The following RAB30 variants were observed in gnomAD, a reference collection of about 807,000 sequenced individuals.
RAB30 encodes the protein RAB30, member RAS oncogene family, also known as ras-related protein Rab-30.
In RAB30, 9 loss-of-function variants were observed where a neutral mutation model predicts 25.1. The observed-to-expected ratio is 0.36, with a 90% CI of 0.22 to 0.63. The LOEUF is 0.63. RAB30 is among the 20% of genes least tolerant of loss of function. The pLI is 0.69. For missense variants in RAB30, 140 were observed against 243.5 expected, an observed-to-expected ratio of 0.58 and a Z score of 2.83; for synonymous variants, 77 against 86.4, an observed-to-expected ratio of 0.89 and a Z score of 0.60.
intron 3 of RAB30, among the ~76,000 whole-genome samples, chr11:82,989,206 G>A (rs956277198): frequency 1.3e-5 from 2 of 152,136 alleles, no homozygotes; most frequent in Non-Finnish European, 2.9e-5. Context: ...CTAGGACATG[G>A]CATCCAGGCC....
intron 1 of RAB30, among the ~76,000 whole-genome samples, chr11:83,022,939 T>C (rs1399216667): frequency 2.0e-5 from 3 of 151,202 alleles, no homozygotes; most frequent in African/African-American, 2.4e-5. Context: ...TTTCAAATGG[T>C]CCAGCATATA....
intron 3 of RAB30, among the ~76,000 whole-genome samples, chr11:82,989,295 A>G (rs1856801945): frequency 6.6e-6 from 1 of 152,214 alleles, no homozygotes; most frequent in Non-Finnish European, 1.5e-5. Context: ...GTGCATCTGT[A>G]TCCAAAGAGG....
intron 1 of RAB30, chr11:83,038,666 CAA>C (rs36025740): frequency 6.6e-6 from 1 of 151,898 alleles, no homozygotes; most frequent in African/African-American, 2.4e-5. Context: ...ACTAAAAATA[CAA>C]AAATTAGCCA....
chr11:83,044,272 T>A (rs1441380339), intron 1 of RAB30, among the ~76,000 whole-genome samples: 1 of 152,258 alleles, frequency 6.6e-6, no homozygotes, highest in Non-Finnish European at 1.5e-5. Context: ...AATCTGTTTA[T>A]TCACAACCTA....
At position 83,022,544 on chromosome 11, in the gene RAB30, G is replaced by A. The variant is rs573644551; in HGVS notation, c.-8-25220C>T. Among the ~76,000 whole-genome samples, 14 of 152,168 alleles carry A rather than the reference G, an allele frequency of 9.2e-5. No individual in the cohort carries two copies. The South Asian group carries it at 2.9e-3, about 32-fold the overall frequency. On this transcript the variant is annotated intron_variant, in intron 1 of 4. Coordinates refer to ENST00000527633, the MANE Select transcript of RAB30 (RefSeq NM_001286060.2). Reference sequence around the variant, plus strand: ...GTCTGTTCCATTAACTTCCAATAATGGAGAAAGGTCTTCCAATTTTTACTT... The same window carrying A: ...GTCTGTTCCATTAACTTCCAATAATAGAGAAAGGTCTTCCAATTTTTACTT...
chr11:83,027,996 C>T (rs1485392920), intron 1 of RAB30, among the ~76,000 whole-genome samples: 1 of 152,006 alleles, frequency 6.6e-6, no homozygotes, highest in Non-Finnish European at 1.5e-5. Flanking sequence ...GCAACACAGC[C>T]AAGGATCACA....
intron 1 of RAB30, among the ~76,000 whole-genome samples, chr11:83,023,457 T>C (rs1282547982): frequency 1.3e-5 from 2 of 152,150 alleles, no homozygotes; most frequent in African/African-American, 4.8e-5. Flanking sequence ...TCTGCTCCTG[T>C]CTTGCTGATT....
chr11:83,062,997 C>T (rs1203278745), intron 1 of RAB30, among the ~76,000 whole-genome samples: 26 of 122,168 alleles, frequency 2.1e-4, no homozygotes, highest in African/African-American at 8.1e-4. Flanking sequence ...AGTGGGACTC[C>T]GTCTCAAAAA....
intron 4 of RAB30, among the ~76,000 whole-genome samples, chr11:82,984,858 A>G (rs1856709956): frequency 6.6e-6 from 1 of 152,202 alleles, no homozygotes. Flanking sequence ...ATTATCCAAC[A>G]TTCCTGGGGT....
At chr11:82,984,513 T>C (rs1195394913) in intron 4 of RAB30, among the ~76,000 whole-genome samples, 2 of 152,222 alleles carry the variant, frequency 1.3e-5, no homozygotes, top group African/African-American at 4.8e-5. Context: ...TGTCAAGCTG[T>C]ATTTCCTGTC....
intron 1 of RAB30, among the ~76,000 whole-genome samples, chr11:83,014,634 AAAAGAAAG>A (rs58927757): frequency 0.16 from 17,651 of 112,504 alleles, 1,479 homozygotes; most frequent in Non-Finnish European, 0.17. Context: ...AGAAGTAAGA[AAAAGAAAG>A]AAAGAAAGAA....
Position 82,997,238 on chromosome 11 carries a change from G to A in RAB30, c.79C>T (p.Arg27Ter). ...NAGVGKTCLV[R>*]RFTQGLFPPG... ...AGTTCCCTTACCTGAGTGAATCTTC[G>A]GACGAGGCACGTCTTCCCCACACCA... is the stretch of plus-strand genomic sequence containing the variant. The change falls in exon 2 of 5, where the codon CGA (arginine) becomes TGA (stop). Residue 27 changes from arginine (R) to a stop codon, truncating the protein, a stop_gained. Coordinates refer to ENST00000527633, the MANE Select transcript of RAB30 (RefSeq NM_001286060.2). LOFTEE classifies it high-confidence loss of function. 1.2e-6 allele frequency: 2 copies of A among 1,610,512 alleles called. No individual in the cohort carries two copies. The highest frequency in any genetic ancestry group is 1.7e-6 in the Non-Finnish European group (2 of 1,176,760).
intron 1 of RAB30, among the ~76,000 whole-genome samples, chr11:83,019,210 G>C (rs963353404): frequency 3.3e-5 from 5 of 152,136 alleles, no homozygotes; most frequent in Non-Finnish European, 5.9e-5. Flanking sequence ...ATTTTTAGTA[G>C]AGATGGGGGT....
intron 1 of RAB30, among the ~76,000 whole-genome samples, chr11:83,031,762 G>A (rs892461351): frequency 2.6e-5 from 4 of 152,128 alleles, no homozygotes; most frequent in African/African-American, 9.7e-5. Flanking sequence ...CCCAACTTCA[G>A]GTGATCCGCC....
intron 4 of RAB30, among the ~76,000 whole-genome samples, chr11:82,984,447 C>G (rs1282816367): frequency 2.0e-5 from 3 of 152,234 alleles, no homozygotes; most frequent in Admixed American, 2.0e-4. Context: ...TGGAAAATTA[C>G]GTGGACTGCT....
intron 1 of RAB30, among the ~76,000 whole-genome samples, chr11:83,051,563 G>T (rs1858357805): frequency 6.6e-6 from 1 of 152,002 alleles, no homozygotes; most frequent in Non-Finnish European, 1.5e-5. Context: ...TAAGTGTCTT[G>T]GGAACACCTA....
chr11:83,050,755 G>A (rs1204925604), intron 1 of RAB30, among the ~76,000 whole-genome samples: 11 of 151,950 alleles, frequency 7.2e-5, no homozygotes, highest in African/African-American at 2.7e-4. Flanking sequence ...AGTGTATTAG[G>A]AACCTCATTT....
chr11:83,057,545 AAC>A (rs1858482484), intron 1 of RAB30, among the ~76,000 whole-genome samples: 1 of 152,228 alleles, frequency 6.6e-6, no homozygotes, highest in African/African-American at 2.4e-5. Context: ...AGCTCTCTGC[AAC>A]AAAATCAGAA....
At chr11:83,067,915 C>T (rs1858742842) in intron 1 of RAB30, among the ~76,000 whole-genome samples, 1 of 151,824 alleles carries the variant, frequency 6.6e-6, no homozygotes, top group Non-Finnish European at 1.5e-5. Flanking sequence ...CATTTGAGGT[C>T]AGGAGTTTGA....
Sources: allele counts gnomAD v4.1 joint callset (sites outside exome capture counted in the v4.1 genomes callset), GRCh38; gene constraint gnomAD v4.1.1; transcripts MANE v1.5; gene names NCBI Gene and HGNC (gene_info 2026-07-23, HGNC 2026-07-21).